The following CREB5 variants were observed in gnomAD, a reference collection of about 807,000 sequenced individuals.
CREB5 encodes the protein cAMP responsive element binding protein 5, also known as cyclic AMP-responsive element-binding protein 5.
CREB5 carries 19 observed loss-of-function variants against 57.1 expected under a neutral mutation model. The observed-to-expected ratio is 0.33, with a 90% CI of 0.23 to 0.49. The LOEUF is 0.49. CREB5 is among the 20% of genes least tolerant of loss of function. The pLI, the probability that CREB5 is intolerant of heterozygous loss-of-function variation, is 0.99. For missense variants in CREB5, 579 were observed against 671.6 expected (o/e 0.86, Z 1.52); for synonymous variants, 238 against 238.3 (o/e 1.00, Z 0.01).
intron 1 of CREB5, among the ~76,000 whole-genome samples, chr7:28,389,663 C>T (rs1257952320): frequency 6.7e-6 from 1 of 149,452 alleles, no homozygotes; most frequent in Non-Finnish European, 1.5e-5. Context: ...GGTTCATAAA[C>T]TACAGTTTCT....
At chr7:28,801,235 G>A (rs913238565) in intron 7 of CREB5, among the ~76,000 whole-genome samples, 3 of 152,202 alleles carry the variant, frequency 2.0e-5, no homozygotes, top group South Asian at 2.1e-4. Flanking sequence ...GGGTTTAGGG[G>A]AGAAGGCTAG....
At chr7:28,664,043 C>A (rs970623565) in intron 5 of CREB5, among the ~76,000 whole-genome samples, 7 of 152,182 alleles carry the variant, frequency 4.6e-5, no homozygotes, top group African/African-American at 1.7e-4. Context: ...CAAGTGAGGT[C>A]TAAGAATTTG....
chr7:28,410,870 C>T, upstream of CREB5: 1 of 291,546 alleles, frequency 3.4e-6, no homozygotes, highest in East Asian at 8.3e-5. Context: ...CCCCACAACA[C>T]ACTCGTGCAA....
chr7:28,792,285 T>C (rs1318003446), intron 7 of CREB5, among the ~76,000 whole-genome samples: 4 of 151,558 alleles, frequency 2.6e-5, no homozygotes, highest in African/African-American at 4.8e-5. Context: ...GCCTGGATGA[T>C]AGAGCAAGAC....
intron 5 of CREB5, among the ~76,000 whole-genome samples, chr7:28,580,379 T>TGG (rs142282781): frequency 4.9e-5 from 7 of 142,064 alleles, no homozygotes; most frequent in South Asian, 2.3e-4. Flanking sequence ...TCTGTGTGTG[T>TGG]GGGGGGGGCA....
At chr7:28,536,762 T>C (rs1323099926) in intron 4 of CREB5, among the ~76,000 whole-genome samples, 1 of 152,206 alleles carries the variant, frequency 6.6e-6, no homozygotes, top group Non-Finnish European at 1.5e-5. Context: ...TTGTCTATAG[T>C]CACAATCTTA....
chr7:28,501,498 T>C (rs1293357627), intron 3 of CREB5, among the ~76,000 whole-genome samples: 1 of 152,206 alleles, frequency 6.6e-6, no homozygotes, highest in Admixed American at 6.5e-5. Context: ...TGCTCTGCAG[T>C]ATTCTTTTTT....
chr7:28,426,564 C>G (rs1788519097), intron 1 of CREB5, among the ~76,000 whole-genome samples: 1 of 152,194 alleles, frequency 6.6e-6, no homozygotes, highest in Admixed American at 6.5e-5. Context: ...ACAGTGGTTC[C>G]AGACACACAC....
intron 10 of CREB5, 52 bp downstream of exon 10, chr7:28,818,231 T>A: frequency 7.6e-7 from 1 of 1,315,114 alleles, no homozygotes; most frequent in South Asian, 1.2e-5. Flanking sequence ...TTTTTGCCAC[T>A]AAGTTTGCAC....
intron 1 of CREB5, among the ~76,000 whole-genome samples, chr7:28,364,639 C>A (rs1366012166): frequency 6.6e-6 from 1 of 152,174 alleles, no homozygotes; most frequent in Non-Finnish European, 1.5e-5. Flanking sequence ...CTGTCATCAG[C>A]AAACCCTCTC....
chr7:28,408,160 T>C (rs1293919600), upstream of CREB5, among the ~76,000 whole-genome samples: 1 of 152,168 alleles, frequency 6.6e-6, no homozygotes, highest in Non-Finnish European at 1.5e-5. Context: ...CATCAAGTGA[T>C]CTCAGGCCAG....
chr7:28,819,083 ATG>A (rs746514385), intron 10 of CREB5, 31 bp from the exon 11 acceptor site: 2 of 1,597,288 alleles, frequency 1.3e-6, no homozygotes, highest in East Asian at 2.2e-5. Flanking sequence ...GTGTGTGTGT[ATG>A]TGTGTGTGTT....
At chr7:28,370,724 A>G (rs1251564481) in intron 1 of CREB5, among the ~76,000 whole-genome samples, 1 of 152,218 alleles carries the variant, frequency 6.6e-6, no homozygotes, top group Non-Finnish European at 1.5e-5. Flanking sequence ...ACTTCTGGGA[A>G]CTATTTGAGG....
intron 4 of CREB5, among the ~76,000 whole-genome samples, chr7:28,569,160 T>TC (rs935155060): frequency 2.6e-5 from 4 of 151,796 alleles, no homozygotes; most frequent in African/African-American, 9.7e-5. Context: ...TCTTTTCTTT[T>TC]TTTTTTTCTT....
At chr7:28,487,325 C>T (rs1477037058) in intron 1 of CREB5, among the ~76,000 whole-genome samples, 5 of 152,120 alleles carry the variant, frequency 3.3e-5, no homozygotes, top group African/African-American at 4.8e-5. Context: ...GATCCTCCTG[C>T]CCCAGCATCC....
intron 5 of CREB5, among the ~76,000 whole-genome samples, chr7:28,596,751 A>G (rs573672502): frequency 2.0e-5 from 3 of 152,314 alleles, no homozygotes; most frequent in East Asian, 1.9e-4. Flanking sequence ...ACTCACATAG[A>G]TGTCATCAGA....
At chr7:28,682,683 G>GT (rs1491552523) in intron 5 of CREB5, among the ~76,000 whole-genome samples, 1 of 104,506 alleles carries the variant, frequency 9.6e-6, no homozygotes, top group African/African-American at 5.8e-5. Flanking sequence ...ACCTAAAAGT[G>GT]GGGGGGGGGG....
intron 5 of CREB5, among the ~76,000 whole-genome samples, chr7:28,636,781 GC>G (rs1345653551): frequency 6.6e-6 from 1 of 152,072 alleles, no homozygotes; most frequent in Non-Finnish European, 1.5e-5. Context: ...TTAGTTTAGG[GC>G]CTCATCACCC....
At chr7:28,743,637 C>T (rs1222141561) in intron 7 of CREB5, among the ~76,000 whole-genome samples, 2 of 152,096 alleles carry the variant, frequency 1.3e-5, no homozygotes, top group Non-Finnish European at 2.9e-5. Flanking sequence ...TAGCTTAAAC[C>T]ACAGAAATTC....
Sources: allele counts gnomAD v4.1 joint callset (sites outside exome capture counted in the v4.1 genomes callset), GRCh38; gene constraint gnomAD v4.1.1; transcripts MANE v1.5; gene names NCBI Gene and HGNC (gene_info 2026-07-23, HGNC 2026-07-21).